The following EHD3 variants were observed in gnomAD, a reference collection of about 807,000 sequenced individuals.
EHD3 encodes the protein EH domain-containing protein 3.
In EHD3, 17 loss-of-function variants were observed where a neutral mutation model predicts 43.0. That is an observed-to-expected ratio of 0.40 (90% confidence interval 0.27 to 0.59). The LOEUF is 0.59. Among genes scored for constraint, EHD3 ranks in the 20% least tolerant of loss-of-function variants. EHD3 has a pLI of 0.49. For missense variants in EHD3, 594 were observed against 705.6 expected (o/e 0.84, Z 1.79); for synonymous variants, 313 against 289.5 (o/e 1.08, Z -0.82).
At position 31,267,957 on chromosome 2, in the gene EHD3, G is replaced by C. The variant is rs1683987734; in HGVS notation, c.*1253G>C. The C allele has an allele frequency of 6.6e-6, 1 of 152,594 alleles. No individual in the cohort carries two copies. Among genetic ancestry groups the C allele is most frequent in the South Asian group, 2.1e-4 (1 of 4,830 alleles). 9.5% of individuals were successfully genotyped at this position (152,594 alleles called of 1,614,324 possible). On this transcript the variant is annotated 3_prime_UTR_variant, in exon 6 of 6. Coordinates refer to ENST00000322054, the MANE Select transcript of EHD3 (RefSeq NM_014600.3). Reference sequence around the variant, plus strand: ...ATCCAACAGCACCAGCAGGAGAGTGGGCTAGCCTGCTGGATGCTGTTCGTG... The same window carrying C: ...ATCCAACAGCACCAGCAGGAGAGTGCGCTAGCCTGCTGGATGCTGTTCGTG...
At chr2:31,264,937 TA>T (rs1489818865) in intron 5 of EHD3, among the ~76,000 whole-genome samples, 2 of 152,296 alleles carry the variant, frequency 1.3e-5, no homozygotes, top group Middle Eastern at 3.4e-3. Context: ...TTTTTCTATT[TA>T]AAAAAATTTA....
intron 1 of EHD3, among the ~76,000 whole-genome samples, chr2:31,242,999 A>G (rs1165156526): frequency 6.6e-6 from 1 of 151,616 alleles, no homozygotes; most frequent in Non-Finnish European, 1.5e-5. Flanking sequence ...AAATCAGGTC[A>G]GGCACAATGC....
intron 3 of EHD3, among the ~76,000 whole-genome samples, chr2:31,259,842 A>G (rs148869374): frequency 9.8e-5 from 15 of 152,344 alleles, no homozygotes; most frequent in Non-Finnish European, 1.6e-4. Context: ...GGGCTGCTAA[A>G]TACAGTAAGC....
Position 31,266,422 on chromosome 2 carries a change from C to A in EHD3, c.1326C>A (p.Ala442=). Residue 442 remains alanine (A), a synonymous_variant, in exon 6 of 6, where the codon GCC becomes GCA. Transcript: ENST00000322054. This position sits in a 1 kb window ranked among gnomAD's most constrained non-coding sequence, Gnocchi z 5.1. The stretch of plus-strand genomic sequence containing the variant: ...TCGATGATGCTGAGTGGGTGGTGGC[C>A]AGGGACAAGCCCATGTACGACGAGA... ...EGIDDAEWVV[A]RDKPMYDEIF... 6.2e-7 allele frequency: 1 copy of A among 1,614,002 alleles called. No homozygotes were observed. Among genetic ancestry groups the A allele is most frequent in the South Asian group, 1.1e-5 (1 of 91,048 alleles).
rs1553402472 is a variant in EHD3, at chr2:31,243,460, C to CTTTCTTTCTTTCTTT, written c.228-811_228-810insCTTTCTTTCTTTTTT. ...TCTTTCTTTCTTTCTTTCTTTCTTT[C>CTTTCTTTCTTTCTTT]TTTTTTTTTTTTTGAGACAGAGTTT... On this transcript the variant is annotated intron_variant, in intron 1 of 5. Coordinates refer to ENST00000322054, the MANE Select transcript of EHD3 (RefSeq NM_014600.3). Among the ~76,000 whole-genome samples the CTTTCTTTCTTTCTTT allele has an allele frequency of 1.4e-3, 133 of 98,454 alleles. 2 individuals are homozygous for CTTTCTTTCTTTCTTT. The highest frequency in any genetic ancestry group is 6.0e-3 in the African/African-American group (131 of 21,806). 64.6% of individuals were successfully genotyped at this position (98,454 alleles called of 152,430 possible).
intron 1 of EHD3, among the ~76,000 whole-genome samples, chr2:31,240,725 T>C (rs1258158512): frequency 6.6e-6 from 1 of 152,224 alleles, no homozygotes; most frequent in Non-Finnish European, 1.5e-5. Flanking sequence ...TTGAGACGCC[T>C]GTGTGAGAAG....
At chr2:31,244,220 C>A in intron 1 of EHD3, 54 bp from the exon 2 acceptor site, 1 of 1,548,980 alleles carries the variant, frequency 6.5e-7, no homozygotes. Flanking sequence ...GTAGACATGC[C>A]GTGTTGATCT....
chr2:31,255,868 G>A (rs970319289), intron 3 of EHD3, among the ~76,000 whole-genome samples: 1 of 152,184 alleles, frequency 6.6e-6, no homozygotes, highest in Non-Finnish European at 1.5e-5. Context: ...TCAGGCAGAG[G>A]CAGACTTCAC....
rs1373122767 is a variant in EHD3 at position 31,266,714 on chromosome 2, G to A, written c.*10G>A. On this transcript the variant is annotated 3_prime_UTR_variant, in exon 6 of 6. Coordinates refer to ENST00000322054, the MANE Select transcript of EHD3 (RefSeq NM_014600.3). This position sits in a 1 kb window ranked among gnomAD's most constrained non-coding sequence, Gnocchi z 5.1. ...GAAAGTTGCCGAGTGATGGGGTGGG[G>A]GGACATTCAGACGGGCAGTGTTAGA... The A allele has an allele frequency of 1.3e-6, 2 of 1,585,662 alleles. No individual in the cohort carries two copies. Among genetic ancestry groups the A allele is most frequent in the Non-Finnish European group, 1.7e-6 (2 of 1,165,996 alleles).
intron 2 of EHD3, among the ~76,000 whole-genome samples, chr2:31,247,071 AT>A (rs1451124959): frequency 6.6e-6 from 1 of 151,990 alleles, no homozygotes; most frequent in Non-Finnish European, 1.5e-5. Context: ...TAATTTTTGT[AT>A]TTTTAGTAGA....
rs1391640535 is a variant in EHD3, at chr2:31,266,055, A to C, written c.1081-122A>C. The stretch of plus-strand genomic sequence containing the variant: ...TCCATCAGCTGAGCCTCTAGGTCAC[A>C]GGTCTTTCATTGTAGAAAGGGATCA... On this transcript the variant is annotated intron_variant, in intron 5 of 5. Transcript: ENST00000322054. This position sits in a 1 kb window ranked among gnomAD's most constrained non-coding sequence, Gnocchi z 5.1. The C allele has an allele frequency of 7.9e-7, 1 of 1,269,710 alleles. No homozygotes were observed. Among genetic ancestry groups the C allele is most frequent in the Non-Finnish European group, 1.1e-6 (1 of 934,582 alleles). The allele number at this position is 1,269,710 out of a possible 1,614,324, so 78.7% of individuals were successfully genotyped here.
At position 31,240,377 on chromosome 2, in the gene EHD3, G is replaced by A. The variant is rs969031319; in HGVS notation, c.228-3897G>A. Among the ~76,000 whole-genome samples, 3 of 152,342 alleles carry A rather than the reference G, an allele frequency of 2.0e-5. No homozygotes were observed. The South Asian group carries it at 6.2e-4, about 32-fold the overall frequency. On this transcript the variant is annotated intron_variant, in intron 1 of 5. Coordinates refer to ENST00000322054, the MANE Select transcript of EHD3 (RefSeq NM_014600.3). The stretch of plus-strand genomic sequence containing the variant: ...CTGTATCGCTTCCCATAAAGAATCA[G>A]TGCATGAGATTCCTCAATAGATTTT...
intron 3 of EHD3, among the ~76,000 whole-genome samples, chr2:31,251,188 C>G (rs775740436): frequency 6.6e-6 from 1 of 152,212 alleles, no homozygotes; most frequent in Non-Finnish European, 1.5e-5. Flanking sequence ...CTCCTGTGAG[C>G]TGCCTTGGTG....
At chr2:31,246,614 G>T (rs933303995) in intron 2 of EHD3, among the ~76,000 whole-genome samples, 1 of 152,122 alleles carries the variant, frequency 6.6e-6, no homozygotes, top group African/African-American at 2.4e-5. Flanking sequence ...GAATTTAAGT[G>T]ATTGCCATCA....
intron 5 of EHD3, among the ~76,000 whole-genome samples, chr2:31,265,473 G>A (rs1327191685): frequency 6.6e-6 from 1 of 152,164 alleles, no homozygotes; most frequent in Non-Finnish European, 1.5e-5. Flanking sequence ...CATACGTGTG[G>A]TCCCTCATTG....
At chr2:31,247,185 G>A (rs1403265931) in intron 2 of EHD3, among the ~76,000 whole-genome samples, 1 of 152,190 alleles carries the variant, frequency 6.6e-6, no homozygotes, top group African/African-American at 2.4e-5. Context: ...GTGTGAGCCT[G>A]TAACCGGCCT....
Position 31,266,164 on chromosome 2 carries a change from C to T in EHD3, c.1081-13C>T, listed in dbSNP as rs767359028. On this transcript the variant is annotated splice_polypyrimidine_tract_variant and intron_variant, in intron 5 of 5. Transcript: ENST00000322054. The surrounding 1 kb of genome is among the most constrained non-coding windows in gnomAD (Gnocchi z 5.1). The stretch of plus-strand genomic sequence containing the variant: ...TCGTATCCTATCTTCATCCTCTCTC[C>T]TCCTCTTCCCAGGACCAGCTGCAGG... 4 of 1,600,836 alleles carry T rather than the reference C, an allele frequency of 2.5e-6. No individual in the cohort carries two copies. Among genetic ancestry groups the T allele is most frequent in the African/African-American group, 1.3e-5 (1 of 74,698 alleles).
At position 31,268,264 on chromosome 2, in the gene EHD3, A is replaced by AATGAGTATAACTTATTTTATATCC. The variant is rs1683992207; in HGVS notation, c.*1563_*1586dup. The AATGAGTATAACTTATTTTATATCC allele has an allele frequency of 6.6e-6, 1 of 152,662 alleles. No homozygotes were observed. Among genetic ancestry groups the AATGAGTATAACTTATTTTATATCC allele is most frequent in the Non-Finnish European group, 1.5e-5 (1 of 68,044 alleles). 9.5% of individuals were successfully genotyped at this position (152,662 alleles called of 1,614,324 possible). On this transcript the variant is annotated 3_prime_UTR_variant, in exon 6 of 6. Coordinates refer to ENST00000322054, the MANE Select transcript of EHD3 (RefSeq NM_014600.3). ...ATGCTCCTACTGTGATGGAAAACAAAATGAGTATAACTTATTTTATATCCA... is the reference window on the plus strand; with the variant it reads ...ATGCTCCTACTGTGATGGAAAACAAAATGAGTATAACTTATTTTATATCCATGAGTATAACTTATTTTATATCCA...
chr2:31,259,140 A>G (rs1272743000), intron 3 of EHD3, among the ~76,000 whole-genome samples: 1 of 152,106 alleles, frequency 6.6e-6, no homozygotes, highest in Admixed American at 6.5e-5. Flanking sequence ...GGGAGCCAGG[A>G]TGGTTGGTCA....
Sources: allele counts gnomAD v4.1 joint callset (sites outside exome capture counted in the v4.1 genomes callset), GRCh38; gene constraint gnomAD v4.1.1; non-coding constraint Gnocchi (gnomAD v3.1); transcripts MANE v1.5; gene names NCBI Gene and HGNC (gene_info 2026-07-23, HGNC 2026-07-21).